The following NCOA1 variants were observed in gnomAD, a reference collection of about 807,000 sequenced individuals.
The protein encoded by NCOA1 is nuclear receptor coactivator 1.
Under a neutral mutation model 150.9 loss-of-function variants are expected in NCOA1, and 35 were observed. The ratio of observed to expected loss-of-function variants is 0.23; its 90% CI spans 0.18 to 0.31. NCOA1 has a LOEUF of 0.31. NCOA1 is among the 10% of genes least tolerant of loss of function. The pLI, the probability that NCOA1 is intolerant of heterozygous loss-of-function variation, is 1.00. For missense variants in NCOA1, 1,491 were observed against 1,749.3 expected (o/e 0.85, Z 2.63); for synonymous variants, 590 against 630.0 (o/e 0.94, Z 0.95).
intron 18 of NCOA1, among the ~76,000 whole-genome samples, chr2:24,741,176 G>A (rs1226480989): frequency 1.3e-5 from 2 of 151,942 alleles, no homozygotes; most frequent in Non-Finnish European, 2.9e-5. Flanking sequence ...TAATTGTAAA[G>A]GTAGTACATG....
At chr2:24,628,564 A>G (rs1159758464) in intron 3 of NCOA1, among the ~76,000 whole-genome samples, 1 of 152,222 alleles carries the variant, frequency 6.6e-6, no homozygotes, top group Non-Finnish European at 1.5e-5. Flanking sequence ...AGAGAGATAC[A>G]CAATAAACAC....
At chr2:24,502,737 G>C (rs1663517710) in intron 1 of NCOA1, among the ~76,000 whole-genome samples, 1 of 151,994 alleles carries the variant, frequency 6.6e-6, no homozygotes, top group South Asian at 2.1e-4. Context: ...CTCTTTATAT[G>C]TTATTTTCCA....
intron 11 of NCOA1, among the ~76,000 whole-genome samples, chr2:24,703,381 T>C (rs1303446110): frequency 6.6e-6 from 1 of 152,214 alleles, no homozygotes; most frequent in African/African-American, 2.4e-5. Context: ...TATTGCCTCT[T>C]TCTCATTTCC....
At chr2:24,628,075 G>A (rs1320342983) in intron 3 of NCOA1, among the ~76,000 whole-genome samples, 11 of 152,128 alleles carry the variant, frequency 7.2e-5, no homozygotes, top group Non-Finnish European at 1.6e-4. Context: ...TGAGGCGGGT[G>A]GAGGACCTGA....
chr2:24,558,882 C>T (rs1373728978), intron 1 of NCOA1, among the ~76,000 whole-genome samples: 5 of 152,210 alleles, frequency 3.3e-5, no homozygotes, highest in South Asian at 2.1e-4. Context: ...GGCTTGATCT[C>T]GTTGGATCCT....
intron 8 of NCOA1, among the ~76,000 whole-genome samples, chr2:24,687,523 A>T (rs2148550719): frequency 6.6e-6 from 1 of 152,264 alleles, no homozygotes; most frequent in East Asian, 1.9e-4. Flanking sequence ...GGGGTAATTT[A>T]TAAAGGAAAG....
intron 7 of NCOA1, among the ~76,000 whole-genome samples, chr2:24,677,968 G>C (rs1016523897): frequency 6.6e-6 from 1 of 151,962 alleles, no homozygotes; most frequent in Non-Finnish European, 1.5e-5. Flanking sequence ...TTGCTGCATA[G>C]ATCAACCCAT....
At chr2:24,750,781 T>C (rs1664184830) in intron 19 of NCOA1, among the ~76,000 whole-genome samples, 1 of 151,900 alleles carries the variant, frequency 6.6e-6, no homozygotes, top group Non-Finnish European at 1.5e-5. Context: ...TAAGGGAATT[T>C]GGGGAATGAT....
chr2:24,709,048 A>G (rs950943954), intron 13 of NCOA1, among the ~76,000 whole-genome samples: 5 of 152,164 alleles, frequency 3.3e-5, no homozygotes, highest in Admixed American at 2.6e-4. Flanking sequence ...TAGTAACACT[A>G]TTTTGACTGG....
At chr2:24,755,761 T>G (rs1482352214) in intron 20 of NCOA1, among the ~76,000 whole-genome samples, 1 of 152,072 alleles carries the variant, frequency 6.6e-6, no homozygotes, top group Non-Finnish European at 1.5e-5. Context: ...TAATATACAG[T>G]CCCAAATATT....
intron 3 of NCOA1, among the ~76,000 whole-genome samples, chr2:24,625,930 A>G (rs56309709): frequency 2.0e-5 from 3 of 152,320 alleles, no homozygotes; most frequent in Non-Finnish European, 4.4e-5. Flanking sequence ...AGCATAAATC[A>G]TATCAGTCTT....
chr2:24,730,183 TG>T (rs935306858), intron 17 of NCOA1, among the ~76,000 whole-genome samples: 4 of 152,156 alleles, frequency 2.6e-5, no homozygotes, highest in Non-Finnish European at 5.9e-5. Context: ...CAAATCTCTC[TG>T]CAAGGCAGCC....
chr2:24,679,327 T>C (rs921626202), intron 7 of NCOA1, among the ~76,000 whole-genome samples: 6 of 152,164 alleles, frequency 3.9e-5, no homozygotes, highest in African/African-American at 4.8e-5. Context: ...GAGGGAAACT[T>C]GTAGAACAAG....
intron 1 of NCOA1, among the ~76,000 whole-genome samples, chr2:24,497,820 A>G (rs1257059271): frequency 1.3e-5 from 2 of 152,176 alleles, no homozygotes; most frequent in African/African-American, 4.8e-5. Context: ...TTTTGTTGGT[A>G]TTTAAATAGC....
At chr2:24,763,858 G>A (rs1664920446) in intron 22 of NCOA1, among the ~76,000 whole-genome samples, 1 of 151,856 alleles carries the variant, frequency 6.6e-6, no homozygotes, top group Admixed American at 6.6e-5. Flanking sequence ...CTGACCTAAG[G>A]TGATCCACCC....
intron 3 of NCOA1, among the ~76,000 whole-genome samples, chr2:24,632,094 G>T (rs1211467257): frequency 2.0e-5 from 3 of 152,006 alleles, no homozygotes; most frequent in Non-Finnish European, 2.9e-5. Context: ...CAGCAGTTTA[G>T]TTAAACAACA....
chr2:24,766,213 A>G (rs1397586561), intron 22 of NCOA1, among the ~76,000 whole-genome samples: 1 of 152,196 alleles, frequency 6.6e-6, no homozygotes, highest in Non-Finnish European at 1.5e-5. Flanking sequence ...ACTATCTTTT[A>G]AAAAGTTTTA....
At chr2:24,639,916 G>GTATGTATATATATATA (rs1558864239) in intron 3 of NCOA1, among the ~76,000 whole-genome samples, 1 of 29,736 alleles carries the variant, frequency 3.4e-5, no homozygotes, top group Non-Finnish European at 1.1e-4. Flanking sequence ...ATGTGTGTGT[G>GTATGTATATATATATA]TATATATATA....
At chr2:24,593,668 A>G (rs567257700) in intron 3 of NCOA1, among the ~76,000 whole-genome samples, 114 of 152,270 alleles carry the variant, frequency 7.5e-4, no homozygotes, top group Middle Eastern at 3.4e-3. Flanking sequence ...CTTATTTTAC[A>G]GGTGGCAAAA....
Sources: gnomAD v4.1 joint callset for allele counts (sites outside exome capture counted in the v4.1 genomes callset) on GRCh38, gnomAD v4.1.1 for gene constraint, MANE v1.5 for transcripts, NCBI Gene and HGNC (gene_info 2026-07-23, HGNC 2026-07-21) for gene names.